The following DOCK2 variants were observed in gnomAD, a reference collection of about 807,000 sequenced individuals.
The protein encoded by DOCK2 is dedicator of cytokinesis 2, also known as dedicator of cytokinesis protein 2.
A neutral mutation model predicts 248.9 loss-of-function variants in DOCK2; 87 were observed. The observed-to-expected ratio is 0.35, with a 90% confidence interval of 0.29 to 0.42. DOCK2 has a LOEUF of 0.42. DOCK2 is among the 10% of genes least tolerant of loss of function. The pLI, the probability that DOCK2 is intolerant of heterozygous loss-of-function variation, is 1.00. For synonymous variants in DOCK2, 805 were observed against 821.6 expected (o/e 0.98, Z 0.35); for missense variants, 1,747 against 2,300.2 (o/e 0.76, Z 4.92).
intron 26 of DOCK2, among the ~76,000 whole-genome samples, chr5:169,839,513 G>A (rs1268070492): frequency 6.6e-6 from 1 of 150,624 alleles, no homozygotes; most frequent in Non-Finnish European, 1.5e-5. Flanking sequence ...CCTCGCGTAT[G>A]CATGGTGTGC....
chr5:169,695,976 G>A (rs1305773340), intron 10 of DOCK2, 38 bp downstream of exon 10: 3 of 1,545,492 alleles, frequency 1.9e-6, no homozygotes, highest in Admixed American at 2.1e-5. Context: ...TTTTATGGGA[G>A]CGCACATTTT....
chr5:169,822,037 G>C (rs1220994478), intron 26 of DOCK2, among the ~76,000 whole-genome samples: 2 of 152,154 alleles, frequency 1.3e-5, no homozygotes, highest in Non-Finnish European at 2.9e-5. Flanking sequence ...ATTACATAAT[G>C]GTAAAGGGAT....
chr5:169,671,435 A>G (rs963244027), intron 5 of DOCK2, among the ~76,000 whole-genome samples: 1 of 152,244 alleles, frequency 6.6e-6, no homozygotes, highest in South Asian at 2.1e-4. Flanking sequence ...AAACTTGAGC[A>G]TGCATAAGAA....
chr5:170,051,062 G>T (rs1442423139), intron 41 of DOCK2, among the ~76,000 whole-genome samples: 15 of 152,196 alleles, frequency 9.9e-5, no homozygotes, highest in Admixed American at 9.8e-4. Flanking sequence ...TACTGTGGTT[G>T]GGAAAGGAGA....
chr5:169,648,333 C>T (rs754989264), intron 1 of DOCK2, among the ~76,000 whole-genome samples: 4 of 152,118 alleles, frequency 2.6e-5, no homozygotes, highest in Non-Finnish European at 4.4e-5. Flanking sequence ...CAGACATCAA[C>T]AAATGTCTCT....
chr5:169,833,065 A>T (rs1347717325), intron 26 of DOCK2, among the ~76,000 whole-genome samples: 1 of 152,176 alleles, frequency 6.6e-6, no homozygotes, highest in African/African-American at 2.4e-5. Context: ...TCTAGCTCTG[A>T]TGACATTTCC....
chr5:169,907,984 C>T (rs968565355), intron 27 of DOCK2, among the ~76,000 whole-genome samples: 3 of 152,320 alleles, frequency 2.0e-5, no homozygotes, highest in African/African-American at 7.2e-5. Flanking sequence ...TCCCAGTCTC[C>T]ACTGAAGTGT....
chr5:170,041,017 T>C (rs766968421), intron 36 of DOCK2, 38 bp from the exon 37 acceptor site: 2 of 1,583,402 alleles, frequency 1.3e-6, no homozygotes, highest in Non-Finnish European at 1.7e-6. Flanking sequence ...TCCTTTTCAC[T>C]GCACCTGGTA....
chr5:169,729,500 G>A (rs1304538229), intron 22 of DOCK2, among the ~76,000 whole-genome samples: 1 of 152,134 alleles, frequency 6.6e-6, no homozygotes, highest in South Asian at 2.1e-4. Context: ...CCACATACAG[G>A]AGAGACATAT....
At chr5:169,920,037 T>G (rs1277665326) in intron 27 of DOCK2, among the ~76,000 whole-genome samples, 1 of 152,234 alleles carries the variant, frequency 6.6e-6, no homozygotes, top group Non-Finnish European at 1.5e-5. Context: ...ACGTGAATTA[T>G]GTCATTTAAT....
At chr5:169,683,801 G>C (rs1227486870) in intron 7 of DOCK2, among the ~76,000 whole-genome samples, 1 of 152,138 alleles carries the variant, frequency 6.6e-6, no homozygotes. Flanking sequence ...TTAGTTGTAA[G>C]AGTTATTTGT....
chr5:169,689,132 A>G (rs1033966705), intron 8 of DOCK2, 120 bp from the exon 9 acceptor site: 13 of 843,168 alleles, frequency 1.5e-5, no homozygotes, highest in Admixed American at 1.4e-4. Context: ...TTTCTTAAAC[A>G]CCTGCATACC....
intron 27 of DOCK2, among the ~76,000 whole-genome samples, chr5:169,879,652 G>T (rs1358658522): frequency 6.6e-6 from 1 of 152,166 alleles, no homozygotes; most frequent in East Asian, 1.9e-4. Context: ...CTAGAAAAAT[G>T]CAAACATTCT....
chr5:169,850,449 A>C (rs1487158556), intron 27 of DOCK2, among the ~76,000 whole-genome samples: 1 of 152,166 alleles, frequency 6.6e-6, no homozygotes, highest in African/African-American at 2.4e-5. Context: ...TGTATGTGCA[A>C]GGGTATGTTT....
At chr5:169,704,935 G>T (rs1215768820) in intron 14 of DOCK2, among the ~76,000 whole-genome samples, 1 of 152,168 alleles carries the variant, frequency 6.6e-6, no homozygotes, top group South Asian at 2.1e-4. Flanking sequence ...GCCAAGGGGG[G>T]CAGATCACTT....
intron 27 of DOCK2, among the ~76,000 whole-genome samples, chr5:169,862,438 T>C (rs1028164935): frequency 6.6e-6 from 1 of 152,252 alleles, no homozygotes; most frequent in Admixed American, 6.5e-5. Context: ...TTTCACTTTA[T>C]TGGATTATCC....
At chr5:169,754,620 G>T (rs887095276) in intron 23 of DOCK2, among the ~76,000 whole-genome samples, 3 of 152,080 alleles carry the variant, frequency 2.0e-5, no homozygotes, top group Admixed American at 6.6e-5. Context: ...TAGCCTTCTC[G>T]CCCCTGCTGA....
intron 25 of DOCK2, among the ~76,000 whole-genome samples, chr5:169,797,691 TTGG>T (rs752996292): frequency 1.5e-3 from 228 of 152,300 alleles, no homozygotes; most frequent in Non-Finnish European, 1.9e-3. Context: ...TTGTCAGACA[TTGG>T]ATACCTAAGG....
intron 12 of DOCK2, 134 bp downstream of exon 12, chr5:169,699,592 A>G: frequency 1.2e-6 from 1 of 860,978 alleles, no homozygotes; most frequent in Non-Finnish European, 1.8e-6. Flanking sequence ...AAGAATGGGA[A>G]CATATGATCT....
Sources: gnomAD v4.1 joint callset for allele counts (sites outside exome capture counted in the v4.1 genomes callset) on GRCh38, gnomAD v4.1.1 for gene constraint, MANE v1.5 for transcripts, NCBI Gene and HGNC (gene_info 2026-07-23, HGNC 2026-07-21) for gene names.